Variants in AGO1 observed in about 807,000 individuals in gnomAD.
AGO1 encodes the protein protein argonaute-1.
A neutral mutation model predicts 109.2 loss-of-function variants in AGO1; 11 were observed. The observed-to-expected ratio is 0.10, with a 90% CI of 0.06 to 0.17. The LOEUF is 0.17. Among genes scored for constraint, AGO1 ranks in the 10% least tolerant of loss-of-function variants. The probability of loss-of-function intolerance (pLI) is 1.00; values close to 1 mark genes in which losing one functional copy is unlikely to be tolerated. For missense variants in AGO1, 574 were observed against 1,140.3 expected, an observed-to-expected ratio of 0.50 and a Z score of 7.15; for synonymous variants, 422 against 418.6, an observed-to-expected ratio of 1.01 and a Z score of -0.10.
In AGO1 at chr1:35,885,385, A is replaced by G. The variant is rs1645104828; in HGVS notation, c.25+1939A>G. On this transcript the variant is annotated intron_variant, in intron 1 of 18. Coordinates refer to ENST00000373204, the MANE Select transcript of AGO1 (RefSeq NM_012199.5). ...AAAATTTGTTACAAAAAATAAGCTT[A>G]TAGGAAAGGAGCTAGAACCTGCTGT... Among the ~76,000 whole-genome samples, 2 of 152,208 alleles carry G rather than the reference A, an allele frequency of 1.3e-5. 1 individual carries two copies. The highest frequency in any genetic ancestry group is 4.1e-4 in the South Asian group (2 of 4,826).
At chr1:35,877,431 A>G (rs1027711922) in intron 1 of AGO1, among the ~76,000 whole-genome samples, 1 of 152,056 alleles carries the variant, frequency 6.6e-6, no homozygotes, top group Non-Finnish European at 1.5e-5. Flanking sequence ...TCATCCTCAC[A>G]GGCCTGTTTA....
chr1:35,873,151 C>T (rs113882628), intron 1 of AGO1: 91 of 151,924 alleles, frequency 6.0e-4, no homozygotes, highest in African/African-American at 2.1e-3. Context: ...ACAAGGATCT[C>T]TAGAACACTT....
intron 8 of AGO1, among the ~76,000 whole-genome samples, chr1:35,896,291 G>T (rs1645317854): frequency 6.6e-6 from 1 of 152,056 alleles, no homozygotes; most frequent in Non-Finnish European, 1.5e-5. Flanking sequence ...GAGCCACCGT[G>T]CCCAGCCAGA....
intron 17 of AGO1, among the ~76,000 whole-genome samples, chr1:35,918,666 C>T (rs1645778782): frequency 6.6e-6 from 1 of 152,170 alleles, no homozygotes; most frequent in African/African-American, 2.4e-5. Flanking sequence ...TCCTGCCTTC[C>T]CGCCTCAGCC....
At chr1:35,890,996 C>T (rs572743174) in intron 2 of AGO1, among the ~76,000 whole-genome samples, 5 of 152,242 alleles carry the variant, frequency 3.3e-5, no homozygotes, top group South Asian at 4.1e-4. Flanking sequence ...TCTGGAAACT[C>T]GAGGGTGGCC....
At chr1:35,917,935 C>G (rs1197154115) in intron 16 of AGO1, among the ~76,000 whole-genome samples, 1 of 152,106 alleles carries the variant, frequency 6.6e-6, no homozygotes, top group Non-Finnish European at 1.5e-5. Flanking sequence ...TACTTCCTTT[C>G]CCTCCTCCTA....
chr1:35,910,950 C>T (rs1194999244), intron 12 of AGO1, among the ~76,000 whole-genome samples: 1 of 152,172 alleles, frequency 6.6e-6, no homozygotes. Flanking sequence ...CCTGTAATCC[C>T]AGCTACTCGG....
At chr1:35,894,450 TG>T in intron 7 of AGO1, 48 bp downstream of exon 7, 1 of 1,581,148 alleles carries the variant, frequency 6.3e-7, no homozygotes, top group African/African-American at 1.3e-5. Flanking sequence ...GGAGAAGGGC[TG>T]AGATTTAAAA....
In AGO1 at chr1:35,887,059, G is replaced by A. The variant is rs1645132706; in HGVS notation, c.26-1368G>A. ...TAGGCAGCCAGGTGCTAGTAGATAG[G>A]TTTTCCCTTCCCCATGTAGCTGAGT... On this transcript the variant is annotated intron_variant, in intron 1 of 18. Transcript: ENST00000373204. 2.0e-5 allele frequency among the ~76,000 whole-genome samples: 3 copies of A among 152,282 alleles called. No individual in the cohort carries two copies. In the South Asian group the frequency reaches 6.2e-4, roughly 32 times the overall value.
intron 1 of AGO1, among the ~76,000 whole-genome samples, chr1:35,874,753 AAGG>A (rs1256651524): frequency 6.6e-6 from 1 of 152,244 alleles, no homozygotes; most frequent in African/African-American, 2.4e-5. Flanking sequence ...TGTCAATGCA[AAGG>A]AGAAGTTCTT....
chr1:35,906,825 A>AC, intron 11 of AGO1, 110 bp from the exon 12 acceptor site: 2 of 923,678 alleles, frequency 2.2e-6, no homozygotes, highest in Admixed American at 5.4e-5. Context: ...AAAAAAAAAA[A>AC]CCAATCTCTC....
upstream of AGO1, among the ~76,000 whole-genome samples, chr1:35,879,505 C>T (rs557947485): frequency 6.6e-6 from 1 of 151,568 alleles, no homozygotes; most frequent in South Asian, 2.1e-4. Context: ...CTCCTGTAAT[C>T]CCAGCATTTT....
chr1:35,914,425 T>C (rs892053424), intron 14 of AGO1, 151 bp downstream of exon 14: 8 of 642,578 alleles, frequency 1.2e-5, no homozygotes, highest in African/African-American at 9.1e-5. Context: ...TCCCTTGATA[T>C]CTCATAAAGG....
chr1:35,904,704 T>C (rs1341079790), intron 11 of AGO1, among the ~76,000 whole-genome samples: 1 of 152,202 alleles, frequency 6.6e-6, no homozygotes, highest in Non-Finnish European at 1.5e-5. Context: ...GCCAGTTAAA[T>C]CTGTGGTTCT....
At chr1:35,885,905 G>A (rs747802173) in intron 1 of AGO1, among the ~76,000 whole-genome samples, 84 of 152,342 alleles carry the variant, frequency 5.5e-4, no homozygotes, top group Non-Finnish European at 1.1e-3. Flanking sequence ...TACTCACATG[G>A]AACAGATCCT....
chr1:35,928,965 T>G lies in AGO1; in HGVS notation c.*9358T>G, dbSNP rs1645983185. ...TATGAGGGCAGAGTTTTAGCTTGTT[T>G]GCTGAGCCCCATTCTTGAAGCTCAT... On this transcript the variant is annotated 3_prime_UTR_variant, in exon 19 of 19. Transcript: ENST00000373204. 1 of 152,250 alleles carries G rather than the reference T, an allele frequency of 6.6e-6. No homozygotes were observed. The highest frequency in any genetic ancestry group is 1.5e-5 in the Non-Finnish European group (1 of 68,040). The allele number at this position is 152,250 out of a possible 1,614,324, so 9.4% of individuals were successfully genotyped here. A position where few individuals can be genotyped will look rare whatever the true frequency, so the allele number is the denominator to read the frequency against.
At chr1:35,904,591 G>T (rs919563001) in intron 11 of AGO1, among the ~76,000 whole-genome samples, 4 of 152,144 alleles carry the variant, frequency 2.6e-5, no homozygotes, top group Non-Finnish European at 5.9e-5. Flanking sequence ...GCCATTTGGG[G>T]TATGGGCACC....
rs1221838658 is a variant in AGO1, at chr1:35,928,586, C to CA, written c.*8980dup. On this transcript the variant is annotated 3_prime_UTR_variant, in exon 19 of 19. Coordinates refer to ENST00000373204, the MANE Select transcript of AGO1 (RefSeq NM_012199.5). ...GGCATAAGCCACAAGCCACTGGGCC[C>CA]AGCCTCTTTTACCTGTTTCAAAATT... is the stretch of plus-strand genomic sequence containing the variant. 1 of 152,218 alleles carries CA rather than the reference C, an allele frequency of 6.6e-6. No homozygotes were observed. The highest frequency in any genetic ancestry group is 1.5e-5 in the Non-Finnish European group (1 of 68,044). The allele number at this position is 152,218 out of a possible 1,614,324, so 9.4% of individuals were successfully genotyped here. A position where few individuals can be genotyped will look rare whatever the true frequency, so the allele number is the denominator to read the frequency against.
chr1:35,870,363 C>A (rs1486015347), intron 1 of AGO1, among the ~76,000 whole-genome samples: 3 of 152,030 alleles, frequency 2.0e-5, no homozygotes, highest in Admixed American at 6.6e-5. Context: ...GACCCACTGC[C>A]AGCTCCGCCT....
Sources: allele counts gnomAD v4.1 joint callset (sites outside exome capture counted in the v4.1 genomes callset), GRCh38; gene constraint gnomAD v4.1.1; transcripts MANE v1.5; gene names NCBI Gene and HGNC (gene_info 2026-07-23, HGNC 2026-07-21).